Variants in GLO1 observed in about 807,000 individuals in gnomAD.
GLO1 encodes lactoylglutathione lyase.
In GLO1, 28 loss-of-function variants were observed where a neutral mutation model predicts 26.0. The ratio of observed to expected loss-of-function variants is 1.08; its 90% CI spans 0.80 to 1.48. The LOEUF is 1.48. Among genes scored for constraint, GLO1 ranks in the 40% most tolerant of loss-of-function variants. GLO1 has a pLI of 0.00. For missense variants in GLO1, 225 were observed against 224.8 expected, an observed-to-expected ratio of 1.00 and a Z score of -0.01; for synonymous variants, 78 against 77.6, an observed-to-expected ratio of 1.00 and a Z score of -0.03.
intron 1 of GLO1, among the ~76,000 whole-genome samples, chr6:38,689,717 C>T (rs1435296851): frequency 3.3e-5 from 5 of 152,160 alleles, no homozygotes; most frequent in South Asian, 2.1e-4. Context: ...GGGGCTGAGA[C>T]GGGCGGATCA....
At chr6:38,686,827 A>G in intron 2 of GLO1, 65 bp downstream of exon 2, 2 of 926,376 alleles carry the variant, frequency 2.2e-6, no homozygotes, top group African/African-American at 3.3e-5. Flanking sequence ...TGGGTCTGAA[A>G]ACACTCTCTA....
At chr6:38,700,705 A>G (rs571244130) in intron 1 of GLO1, among the ~76,000 whole-genome samples, 97 of 152,174 alleles carry the variant, frequency 6.4e-4, no homozygotes, top group Middle Eastern at 3.4e-3. Flanking sequence ...TTATCCCAGT[A>G]TCCCCAAAGT....
chr6:38,694,079 G>A (rs111295439), intron 1 of GLO1, among the ~76,000 whole-genome samples: 25 of 152,276 alleles, frequency 1.6e-4, no homozygotes, highest in African/African-American at 5.5e-4. Context: ...ATTTAGAAGT[G>A]TGCTGTTTAT....
In GLO1 at chr6:38,677,205, T is replaced by C. The variant is rs1761268015; in HGVS notation, c.*90A>G. The C allele has an allele frequency of 1.3e-6, 1 of 754,818 alleles. No individual in the cohort carries two copies. The highest frequency in any genetic ancestry group is 2.0e-5 in the Admixed American group (1 of 49,672). The allele number at this position is 754,818 out of a possible 1,614,324, so 46.8% of individuals were successfully genotyped here. A position where few individuals can be genotyped will look rare whatever the true frequency, so the allele number is the denominator to read the frequency against. Reference sequence around the variant, plus strand: ...AGAATAATTTGAATCGGGACAGTGATCCATCAGTCCTAGATGCTTCTGGTA... The same window carrying C: ...AGAATAATTTGAATCGGGACAGTGACCCATCAGTCCTAGATGCTTCTGGTA... On this transcript the variant is annotated 3_prime_UTR_variant, in exon 6 of 6. Coordinates refer to ENST00000373365, the MANE Select transcript of GLO1 (RefSeq NM_006708.3).
chr6:38,693,272 T>C (rs971805701), intron 1 of GLO1, among the ~76,000 whole-genome samples: 1 of 152,240 alleles, frequency 6.6e-6, no homozygotes, highest in African/African-American at 2.4e-5. Context: ...GTCAAATTTA[T>C]GTATACAAAG....
At chr6:38,693,658 G>GCTCTCTCTCT (rs71543936) in intron 1 of GLO1, among the ~76,000 whole-genome samples, 60 of 127,578 alleles carry the variant, frequency 4.7e-4, no homozygotes, top group African/African-American at 7.8e-4. Flanking sequence ...TTTTCATTCA[G>GCTCTCTCTCT]CTCTCTCTCT....
rs1761267441 is a variant in GLO1 at position 38,677,177 on chromosome 6, T to C, written c.*118A>G. On this transcript the variant is annotated 3_prime_UTR_variant, in exon 6 of 6. Coordinates refer to ENST00000373365, the MANE Select transcript of GLO1 (RefSeq NM_006708.3). ...GCTGAAATAGGAAGGGGAAATGGACTGAAGAATAATTTGAATCGGGACAGT... is the reference window on the plus strand; with the variant it reads ...GCTGAAATAGGAAGGGGAAATGGACCGAAGAATAATTTGAATCGGGACAGT... 4 of 713,006 alleles carry C rather than the reference T, an allele frequency of 5.6e-6. No individual in the cohort carries two copies. The highest frequency in any genetic ancestry group is 7.6e-6 in the Non-Finnish European group (3 of 395,566). The allele number at this position is 713,006 out of a possible 1,614,324, so 44.2% of individuals were successfully genotyped here.
intron 5 of GLO1, among the ~76,000 whole-genome samples, chr6:38,679,198 C>T (rs910239317): frequency 1.3e-5 from 2 of 152,132 alleles, no homozygotes; most frequent in East Asian, 3.9e-4. Flanking sequence ...TAGCTCACTG[C>T]AGCCTCCAAC....
intron 1 of GLO1, among the ~76,000 whole-genome samples, chr6:38,696,734 C>T (rs1761615839): frequency 6.6e-6 from 1 of 152,180 alleles, no homozygotes; most frequent in Non-Finnish European, 1.5e-5. Context: ...TACCCTCAGT[C>T]TGCAGAAAGG....
intron 3 of GLO1, 85 bp from the exon 4 acceptor site, chr6:38,682,960 G>A (rs1019257916): frequency 3.9e-5 from 32 of 814,308 alleles, no homozygotes; most frequent in Non-Finnish European, 6.0e-5. Context: ...ATCTTACCAC[G>A]TTTATATGCT....
At position 38,686,926 on chromosome 6, in the gene GLO1, ACTT is replaced by A; in HGVS notation, c.130_132del (p.Lys44del). On this transcript the variant is annotated inframe_deletion, in exon 2 of 6. Transcript: ENST00000373365. ...AGAACTCTAGTATAAAAATCCAGTG[ACTT>A]CTTAGGATCCTTCACTCGTAGCATG... 2 of 1,605,472 alleles carry A rather than the reference ACTT, an allele frequency of 1.2e-6. No homozygotes were observed. Among genetic ancestry groups the A allele is most frequent in the Admixed American group, 1.7e-5 (1 of 59,926 alleles).
At position 38,686,936 on chromosome 6, in the gene GLO1, A is replaced by T. The variant is rs1253028900; in HGVS notation, c.123T>A (p.Asp41Glu). The change falls in exon 2 of 6, where the codon GAT (aspartate) becomes GAA (glutamate). Residue 41 changes from aspartate to glutamate, a missense_variant. Coordinates refer to ENST00000373365, the MANE Select transcript of GLO1 (RefSeq NM_006708.3). ...TATAAAAATCCAGTGACTTCTTAGG[A>T]TCCTTCACTCGTAGCATGGTCTGCT... ...LLQQTMLRVK[D>E]PKKSLDFYTR... 2 of 1,607,672 alleles carry T rather than the reference A, an allele frequency of 1.2e-6. No homozygotes were observed. The highest frequency in any genetic ancestry group is 3.3e-5 in the Admixed American group (2 of 59,962).
intron 3 of GLO1, among the ~76,000 whole-genome samples, chr6:38,684,033 G>A (rs951609795): frequency 6.6e-6 from 1 of 152,140 alleles, no homozygotes; most frequent in Non-Finnish European, 1.5e-5. Context: ...AACATAGTGA[G>A]ACCTTGCCTC....
At chr6:38,682,175 T>C (rs758401134) in intron 4 of GLO1, 74 bp from the exon 5 acceptor site, 5 of 850,994 alleles carry the variant, frequency 5.9e-6, no homozygotes, top group East Asian at 2.4e-5. Context: ...GTACCACAAG[T>C]AGATTCCAAA....
At chr6:38,678,493 C>T (rs916024280) in intron 5 of GLO1, among the ~76,000 whole-genome samples, 3 of 152,060 alleles carry the variant, frequency 2.0e-5, no homozygotes, top group Non-Finnish European at 2.9e-5. Context: ...AGGATGGGGC[C>T]GGGTGACTGT....
At chr6:38,686,796 C>T (rs1471942038) in intron 2 of GLO1, 96 bp downstream of exon 2, 8 of 702,746 alleles carry the variant, frequency 1.1e-5, no homozygotes, top group Non-Finnish European at 1.9e-5. Context: ...ACTTCTGTTA[C>T]TTCTGAAACA....
At chr6:38,700,896 C>T (rs1357922954) in intron 1 of GLO1, among the ~76,000 whole-genome samples, 2 of 151,798 alleles carry the variant, frequency 1.3e-5, no homozygotes, top group African/African-American at 4.8e-5. Flanking sequence ...TTTCCTGCCT[C>T]AGCCTCCCAA....
In GLO1 at chr6:38,682,782, T is replaced by C. The variant is rs556956668; in HGVS notation, c.376+26A>G. On this transcript the variant is annotated intron_variant, in intron 4 of 5. Transcript: ENST00000373365. ...ATACAAAATCACACAAATCTACATA[T>C]ATCACATAAAAACAGGCAAACTTAC... 6.9e-6 allele frequency: 9 copies of C among 1,298,298 alleles called. No homozygotes were observed. The African/African-American group carries it at 1.3e-4, about 19-fold the overall frequency. The allele number at this position is 1,298,298 out of a possible 1,614,324, so 80.4% of individuals were successfully genotyped here.
intron 5 of GLO1, among the ~76,000 whole-genome samples, chr6:38,681,274 A>G (rs925249988): frequency 6.6e-6 from 1 of 152,156 alleles, no homozygotes; most frequent in Non-Finnish European, 1.5e-5. Flanking sequence ...ATGTTAGCCC[A>G]GATGGTCTGG....
Sources: gnomAD v4.1 joint callset for allele counts (sites outside exome capture counted in the v4.1 genomes callset) on GRCh38, gnomAD v4.1.1 for gene constraint, MANE v1.5 for transcripts, NCBI Gene and HGNC (gene_info 2026-07-23, HGNC 2026-07-21) for gene names.